Variants in ST8SIA5 observed in about 807,000 individuals in gnomAD.
ST8SIA5 encodes ST8 alpha-N-acetyl-neuraminide alpha-2,8-sialyltransferase 5, also known as alpha-2,8-sialyltransferase 8E.
ST8SIA5 carries 24 observed loss-of-function variants against 40.2 expected under a neutral mutation model. The observed-to-expected ratio is 0.60, with a 90% CI of 0.43 to 0.84. ST8SIA5 has a LOEUF of 0.84. Ranked by LOEUF, ST8SIA5 falls within the 40% of genes least tolerant of loss-of-function variation. The pLI, the probability that ST8SIA5 is intolerant of heterozygous loss-of-function variation, is 0.00. For synonymous variants in ST8SIA5, 198 were observed against 201.8 expected, an observed-to-expected ratio of 0.98 and a Z score of 0.16; for missense variants, 465 against 498.5, an observed-to-expected ratio of 0.93 and a Z score of 0.64.
chr18:46,739,466 G>A (rs190430463), intron 1 of ST8SIA5, among the ~76,000 whole-genome samples: 55 of 152,232 alleles, frequency 3.6e-4, no homozygotes, highest in Admixed American at 1.6e-3. Context: ...CCCGGGAGGC[G>A]GAGGTTGCAG....
intron 5 of ST8SIA5, among the ~76,000 whole-genome samples, chr18:46,684,698 G>C (rs1282527543): frequency 6.6e-6 from 1 of 152,134 alleles, no homozygotes; most frequent in Non-Finnish European, 1.5e-5. Context: ...TAATTTTTCT[G>C]AGTAGTTATG....
chr18:46,730,243 G>A lies in ST8SIA5; in HGVS notation c.132-25579C>T, dbSNP rs1345212667. 1.3e-5 allele frequency: 13 copies of A among 985,176 alleles called. No individual in the cohort carries two copies. The Admixed American group carries it at 3.1e-4, about 23-fold the overall frequency. 61.0% of individuals were successfully genotyped at this position (985,176 alleles called of 1,614,324 possible). ...CTTGCCTCTAGAGATTCTTGGATAGGGGGGCTCGCATTCCACCATTCACTA... is the reference window on the plus strand; with the variant it reads ...CTTGCCTCTAGAGATTCTTGGATAGAGGGGCTCGCATTCCACCATTCACTA... On this transcript the variant is annotated intron_variant, in intron 1 of 6. Transcript: ENST00000315087.
intron 2 of ST8SIA5, among the ~76,000 whole-genome samples, chr18:46,702,051 G>A (rs2039622399): frequency 6.6e-6 from 1 of 151,168 alleles, no homozygotes; most frequent in Non-Finnish European, 1.5e-5. Context: ...GGAGGTTGAG[G>A]CAGGAGAATT....
At chr18:46,727,267 G>C (rs1020636128) in intron 1 of ST8SIA5, among the ~76,000 whole-genome samples, 1 of 152,212 alleles carries the variant, frequency 6.6e-6, no homozygotes, top group African/African-American at 2.4e-5. Context: ...TCTGGGATAT[G>C]TTTATGGAGG....
At chr18:46,701,266 G>A (rs993791500) in intron 2 of ST8SIA5, among the ~76,000 whole-genome samples, 2 of 148,812 alleles carry the variant, frequency 1.3e-5, no homozygotes, top group Admixed American at 6.8e-5. Flanking sequence ...TCAGCCTCCC[G>A]AGTAGCTGGG....
Position 46,712,969 on chromosome 18 carries a change from G to A in ST8SIA5, c.132-8305C>T, listed in dbSNP as rs573937283. Reference sequence around the variant, plus strand: ...GGAAGAACTTCCCAGAGAAGGAAGTGAGTAAATACAATCACTTGCTCTGCA... The same window carrying A: ...GGAAGAACTTCCCAGAGAAGGAAGTAAGTAAATACAATCACTTGCTCTGCA... On this transcript the variant is annotated intron_variant, in intron 1 of 6. Transcript: ENST00000315087. Among the ~76,000 whole-genome samples, 36 of 152,334 alleles carry A rather than the reference G, an allele frequency of 2.4e-4. No individual in the cohort carries two copies. In the South Asian group the frequency reaches 6.6e-3, roughly 28 times the overall value.
rs149503862 is a variant in ST8SIA5 at position 46,681,015 on chromosome 18, A to T, written c.663-505T>A. On this transcript the variant is annotated intron_variant, in intron 6 of 6. Coordinates refer to ENST00000315087, the MANE Select transcript of ST8SIA5 (RefSeq NM_013305.6). ...GAGACACGGTCTTGCTCTGTCATCC[A>T]GGCTGGAGTGCAGTGGTGCAATCAT... Among the ~76,000 whole-genome samples, 733 of 152,306 alleles carry T rather than the reference A, an allele frequency of 4.8e-3. 5 individuals are homozygous for T. The highest frequency in any genetic ancestry group is 0.017 in the African/African-American group (694 of 41,560).
At chr18:46,723,679 A>G (rs749493490) in intron 1 of ST8SIA5, among the ~76,000 whole-genome samples, 33 of 152,330 alleles carry the variant, frequency 2.2e-4, no homozygotes, top group Non-Finnish European at 4.4e-4. Flanking sequence ...TAATCCCAGC[A>G]CTTTGGAAGG....
At chr18:46,709,941 A>G (rs1296717881) in intron 1 of ST8SIA5, among the ~76,000 whole-genome samples, 1 of 152,106 alleles carries the variant, frequency 6.6e-6, no homozygotes, top group East Asian at 1.9e-4. Flanking sequence ...ACCCTGTTAC[A>G]AGATTGAGGG....
intron 1 of ST8SIA5, among the ~76,000 whole-genome samples, chr18:46,749,130 C>A (rs950708341): frequency 6.6e-6 from 1 of 152,078 alleles, no homozygotes; most frequent in African/African-American, 2.4e-5. Flanking sequence ...CATATGATTC[C>A]ATTTATATGA....
intron 1 of ST8SIA5, among the ~76,000 whole-genome samples, chr18:46,727,215 TTAAAA>T (rs1273121557): frequency 3.9e-5 from 6 of 152,254 alleles, no homozygotes; most frequent in Non-Finnish European, 5.9e-5. Context: ...TATGTGCCTG[TTAAAA>T]TAAAAATAGC....
At chr18:46,719,030 T>C (rs1160262541) in intron 1 of ST8SIA5, among the ~76,000 whole-genome samples, 2 of 152,166 alleles carry the variant, frequency 1.3e-5, no homozygotes, top group Non-Finnish European at 2.9e-5. Flanking sequence ...GTGGGGACTC[T>C]ACGTACTGCA....
intron 1 of ST8SIA5, among the ~76,000 whole-genome samples, chr18:46,727,434 C>T (rs2039942132): frequency 6.6e-6 from 1 of 152,162 alleles, no homozygotes; most frequent in South Asian, 2.1e-4. Flanking sequence ...CTTCCCTGAG[C>T]CAACTACCAG....
chr18:46,745,365 T>C (rs890214212), intron 1 of ST8SIA5, among the ~76,000 whole-genome samples: 1 of 151,666 alleles, frequency 6.6e-6, no homozygotes, highest in Non-Finnish European at 1.5e-5. Context: ...ATAGATGCAA[T>C]AAAAAATGAT....
At chr18:46,682,678 A>G (rs2039409675) in intron 5 of ST8SIA5, among the ~76,000 whole-genome samples, 1 of 152,220 alleles carries the variant, frequency 6.6e-6, no homozygotes, top group Non-Finnish European at 1.5e-5. Flanking sequence ...TGCAGCTGCA[A>G]TGAAGTTTAG....
intron 1 of ST8SIA5, among the ~76,000 whole-genome samples, chr18:46,734,840 C>A (rs576487522): frequency 3.9e-5 from 6 of 152,330 alleles, no homozygotes; most frequent in East Asian, 1.9e-4. Context: ...CAAGAGAGCA[C>A]CCTGTTTCAT....
chr18:46,749,501 A>G (rs578004584), intron 1 of ST8SIA5, among the ~76,000 whole-genome samples: 14 of 152,340 alleles, frequency 9.2e-5, no homozygotes, highest in African/African-American at 3.4e-4. Flanking sequence ...ATTAAGGTAT[A>G]ATGGTAGTAA....
intron 2 of ST8SIA5, among the ~76,000 whole-genome samples, chr18:46,703,781 T>C (rs1485611440): frequency 6.6e-6 from 1 of 152,230 alleles, no homozygotes; most frequent in Non-Finnish European, 1.5e-5. Flanking sequence ...TAAATACAGA[T>C]TCTGTCATGA....
intron 1 of ST8SIA5, among the ~76,000 whole-genome samples, chr18:46,744,108 A>G (rs2040114654): frequency 6.6e-6 from 1 of 152,332 alleles, no homozygotes; most frequent in East Asian, 1.9e-4. Context: ...CACTGCAAAA[A>G]CATGCCAAAT....
Sources: gnomAD v4.1 joint callset for allele counts (sites outside exome capture counted in the v4.1 genomes callset) on GRCh38, gnomAD v4.1.1 for gene constraint, MANE v1.5 for transcripts, NCBI Gene and HGNC (gene_info 2026-07-23, HGNC 2026-07-21) for gene names.